PRPF8: variants seen among roughly 807,000 people sequenced by gnomAD.
PRPF8 encodes pre-mRNA-processing-splicing factor 8.
In PRPF8, 64 loss-of-function variants were observed where a neutral mutation model predicts 285.9. That is an observed-to-expected ratio of 0.22 (90% CI 0.18 to 0.28). The LOEUF is 0.28. Among genes scored for constraint, PRPF8 ranks in the 10% least tolerant of loss-of-function variants. PRPF8 has a pLI of 1.00. For synonymous variants in PRPF8, 1,325 were observed against 1,118.2 expected, an observed-to-expected ratio of 1.18 and a Z score of -3.69; for missense variants, 1,426 against 3,026.7, an observed-to-expected ratio of 0.47 and a Z score of 12.41.
chr17:1,656,292 T>A (rs1911382921), intron 36 of PRPF8, 100 bp downstream of exon 36: 1 of 1,444,498 alleles, frequency 6.9e-7, no homozygotes, highest in East Asian at 2.3e-5. Context: ...ACCCAATCTA[T>A]AGGCTAAAAA....
intron 6 of PRPF8, among the ~76,000 whole-genome samples, 158 bp from the exon 7 acceptor site, chr17:1,681,212 C>A (rs1328059647): frequency 6.6e-6 from 1 of 152,042 alleles, no homozygotes; most frequent in Non-Finnish European, 1.5e-5. Flanking sequence ...TCCCAAGTAA[C>A]TGAGACTACA....
intron 24 of PRPF8, among the ~76,000 whole-genome samples, chr17:1,669,760 A>C (rs1430802390): frequency 6.6e-6 from 1 of 152,158 alleles, no homozygotes; most frequent in African/African-American, 2.4e-5. Context: ...CCAATTCTGG[A>C]CACGTGTTCC....
At chr17:1,672,286 G>C (rs1313020656) in intron 24 of PRPF8, among the ~76,000 whole-genome samples, 1 of 151,950 alleles carries the variant, frequency 6.6e-6, no homozygotes, top group Non-Finnish European at 1.5e-5. Flanking sequence ...TTTTTTGTTT[G>C]TTTGTATTTT....
intron 2 of PRPF8, 101 bp from the exon 3 acceptor site, chr17:1,683,802 C>T: frequency 5.0e-6 from 7 of 1,394,522 alleles, no homozygotes; most frequent in Non-Finnish European, 6.0e-6. Flanking sequence ...GAGGGAGAAG[C>T]AGGCACCAGC....
intron 24 of PRPF8, among the ~76,000 whole-genome samples, chr17:1,663,043 T>C (rs1457341965): frequency 6.6e-6 from 1 of 151,882 alleles, no homozygotes; most frequent in Non-Finnish European, 1.5e-5. Flanking sequence ...AATTAAAATG[T>C]TATGACAAAA....
Position 1,658,173 on chromosome 17 carries a change from A to G in PRPF8, c.5505+80T>C, listed in dbSNP as rs1426446303. On this transcript the variant is annotated intron_variant, in intron 34 of 42. Coordinates refer to ENST00000304992, the MANE Select transcript of PRPF8 (RefSeq NM_006445.4). This position sits in a 1 kb window ranked among gnomAD's most constrained non-coding sequence, Gnocchi z 4.1. ...ATGTTCTCAGCCTTTCATCTAATAAACCAGTAAATATTACCAAGTCCACCC... is the reference window on the plus strand; with the variant it reads ...ATGTTCTCAGCCTTTCATCTAATAAGCCAGTAAATATTACCAAGTCCACCC... The G allele has an allele frequency of 3.1e-6, 5 of 1,599,126 alleles. No homozygotes were observed. The African/African-American group carries it at 5.4e-5, about 17-fold the overall frequency.
chr17:1,662,282 G>A (rs1911708435), intron 24 of PRPF8, 129 bp from the exon 25 acceptor site: 11 of 1,109,620 alleles, frequency 9.9e-6, no homozygotes, highest in South Asian at 8.0e-5. Context: ...TAGTCACTAG[G>A]GAAATAGAAA....
At position 1,675,475 on chromosome 17, in the gene PRPF8, C is replaced by A; in HGVS notation, c.2873-136G>T. On this transcript the variant is annotated intron_variant, in intron 19 of 42. Coordinates refer to ENST00000304992, the MANE Select transcript of PRPF8 (RefSeq NM_006445.4). The surrounding 1 kb of genome is among the most constrained non-coding windows in gnomAD (Gnocchi z 6.0). ...TCATTTGGATTGCTTTGACTATGGG[C>A]TTTTCCTCAGTTTAACACGAACACT... 6.9e-7 allele frequency: 1 copy of A among 1,450,948 alleles called. No homozygotes were observed. Among genetic ancestry groups the A allele is most frequent in the Non-Finnish European group, 9.6e-7 (1 of 1,036,656 alleles). 89.9% of individuals were successfully genotyped at this position (1,450,948 alleles called of 1,614,324 possible).
At position 1,684,584 on chromosome 17, in the gene PRPF8, T is replaced by G; in HGVS notation, c.-11-2A>C. 1.2e-6 allele frequency: 2 copies of G among 1,612,154 alleles called. No homozygotes were observed. The highest frequency in any genetic ancestry group is 1.7e-6 in the Non-Finnish European group (2 of 1,179,676). On this transcript the variant is annotated splice_acceptor_variant, in intron 1 of 42. Coordinates refer to ENST00000304992, the MANE Select transcript of PRPF8 (RefSeq NM_006445.4). LOFTEE classifies it low-confidence loss of function (5UTR_SPLICE). ...ACACTCCGGCCATATCCGGAGAATC[T>G]GGGGAGCGGCGGGATAGAAAAATTC...
chr17:1,683,445 G>A (rs1913049234), intron 3 of PRPF8, 88 bp downstream of exon 3: 11 of 1,401,054 alleles, frequency 7.9e-6, no homozygotes, highest in Non-Finnish European at 8.1e-6. Flanking sequence ...ACCAAGATGA[G>A]CTGTCAAAGC....
rs888281674 is a variant in PRPF8, at chr17:1,659,652, A to G, written c.4947-104T>C. On this transcript the variant is annotated intron_variant, in intron 31 of 42. Transcript: ENST00000304992. This position sits in a 1 kb window ranked among gnomAD's most constrained non-coding sequence, Gnocchi z 5.1. Reference sequence around the variant, plus strand: ...CAAAACCATCCCACCCACTCCACCAACTTGTTCCAGGTCAGCAGGACCCCA... The same window carrying G: ...CAAAACCATCCCACCCACTCCACCAGCTTGTTCCAGGTCAGCAGGACCCCA... The G allele has an allele frequency of 6.9e-7, 1 of 1,458,406 alleles. No individual in the cohort carries two copies. Among genetic ancestry groups the G allele is most frequent in the African/African-American group, 1.4e-5 (1 of 71,720 alleles). 90.3% of individuals were successfully genotyped at this position (1,458,406 alleles called of 1,614,324 possible). A position where few individuals can be genotyped will look rare whatever the true frequency, so the allele number is the denominator to read the frequency against.
Position 1,655,334 on chromosome 17 carries a change from C to T in PRPF8, c.5987+16G>A, listed in dbSNP as rs758574080. ...TATATAGACCTCCTGTCTGTGTCCCCACCAGCACTGCTCACTTGTTTTTCT... is the reference window on the plus strand; with the variant it reads ...TATATAGACCTCCTGTCTGTGTCCCTACCAGCACTGCTCACTTGTTTTTCT... On this transcript the variant is annotated intron_variant, in intron 37 of 42. Transcript: ENST00000304992. 2 of 1,612,498 alleles carry T rather than the reference C, an allele frequency of 1.2e-6. No individual in the cohort carries two copies. Among genetic ancestry groups the T allele is most frequent in the Admixed American group, 3.3e-5 (2 of 59,984 alleles).
Position 1,661,805 on chromosome 17 carries a change from A to G in PRPF8, c.4023-15T>C. On this transcript the variant is annotated splice_polypyrimidine_tract_variant and intron_variant, in intron 25 of 42. Coordinates refer to ENST00000304992, the MANE Select transcript of PRPF8 (RefSeq NM_006445.4). The surrounding 1 kb of genome is among the most constrained non-coding windows in gnomAD (Gnocchi z 7.3). ...GTTTGGACCACCTGTTTGGGTGTACAACCAAGATTACAGAAAAAATAAAGC... is the reference window on the plus strand; with the variant it reads ...GTTTGGACCACCTGTTTGGGTGTACGACCAAGATTACAGAAAAAATAAAGC... The G allele has an allele frequency of 6.2e-7, 1 of 1,614,176 alleles. No homozygotes were observed. Among genetic ancestry groups the G allele is most frequent in the Non-Finnish European group, 8.5e-7 (1 of 1,180,046 alleles).
At position 1,659,560 on chromosome 17, in the gene PRPF8, G is replaced by C. The variant is rs1320410795; in HGVS notation, c.4947-12C>G. On this transcript the variant is annotated splice_polypyrimidine_tract_variant and intron_variant, in intron 31 of 42. Transcript: ENST00000304992. The surrounding 1 kb of genome is among the most constrained non-coding windows in gnomAD (Gnocchi z 5.1). ...TGTCCATCACATCCCTGAGGATGAA[G>C]AGGGTTCAAGCTTCTAAGAAACCAT... 2 of 1,611,972 alleles carry C rather than the reference G, an allele frequency of 1.2e-6. No individual in the cohort carries two copies. Among genetic ancestry groups the C allele is most frequent in the Non-Finnish European group, 1.7e-6 (2 of 1,179,996 alleles).
chr17:1,675,431 C>T lies in PRPF8; in HGVS notation c.2873-92G>A, dbSNP rs1912559162. 1 of 1,498,620 alleles carries T rather than the reference C, an allele frequency of 6.7e-7. No individual in the cohort carries two copies. The highest frequency in any genetic ancestry group is 1.4e-5 in the African/African-American group (1 of 72,482). The allele number at this position is 1,498,620 out of a possible 1,614,324, so 92.8% of individuals were successfully genotyped here. Reference sequence around the variant, plus strand: ...CTATCATTACCTTCCATAACCAATCCCACTATGATTCCACGTATTCATTTG... The same window carrying T: ...CTATCATTACCTTCCATAACCAATCTCACTATGATTCCACGTATTCATTTG... On this transcript the variant is annotated intron_variant, in intron 19 of 42. Transcript: ENST00000304992. The surrounding 1 kb of genome is among the most constrained non-coding windows in gnomAD (Gnocchi z 6.0).
chr17:1,674,922 C>A (rs560939903), intron 20 of PRPF8, among the ~76,000 whole-genome samples: 1 of 152,108 alleles, frequency 6.6e-6, no homozygotes, highest in Non-Finnish European at 1.5e-5. Flanking sequence ...CAGGCGCCCA[C>A]CACCACACCC....
intron 24 of PRPF8, among the ~76,000 whole-genome samples, chr17:1,663,726 A>T (rs1232495362): frequency 2.0e-4 from 30 of 149,468 alleles, no homozygotes; most frequent in Non-Finnish European, 3.3e-4. Flanking sequence ...AAAAAAAAAA[A>T]AAAAAAAAAA....
rs1425736507 is a variant in PRPF8 at position 1,650,752 on chromosome 17, G to A, written c.*50C>T. 2 of 1,609,210 alleles carry A rather than the reference G, an allele frequency of 1.2e-6. No homozygotes were observed. Among genetic ancestry groups the A allele is most frequent in the African/African-American group, 1.3e-5 (1 of 74,782 alleles). On this transcript the variant is annotated 3_prime_UTR_variant, in exon 43 of 43. Coordinates refer to ENST00000304992, the MANE Select transcript of PRPF8 (RefSeq NM_006445.4). The stretch of plus-strand genomic sequence containing the variant: ...GCTGAATGTCAGCGGCCTGTCTGGA[G>A]GGGCTGAGGCTTCGGCCTCGGGAGG...
At chr17:1,672,852 T>C in intron 24 of PRPF8, 1 of 602,364 alleles carries the variant, frequency 1.7e-6, no homozygotes. Context: ...TAATTTAGAA[T>C]CATCACAAGT....
Sources: gnomAD v4.1 joint callset for allele counts (sites outside exome capture counted in the v4.1 genomes callset) on GRCh38, gnomAD v4.1.1 for gene constraint, Gnocchi (gnomAD v3.1) non-coding constraint, MANE v1.5 for transcripts, NCBI Gene and HGNC (gene_info 2026-07-23, HGNC 2026-07-21) for gene names.